Variants in KMT2A observed in about 807,000 individuals in gnomAD.
KMT2A encodes lysine methyltransferase 2A, also known as histone-lysine N-methyltransferase 2A.
KMT2A carries 16 observed loss-of-function variants against 345.3 expected under a neutral mutation model. The observed-to-expected ratio is 0.05, with a 90% confidence interval of 0.03 to 0.07. The LOEUF (loss-of-function observed/expected upper bound fraction) is 0.07. KMT2A is among the 10% of genes least tolerant of loss of function. The pLI is 1.00. For missense variants in KMT2A, 3,272 were observed against 4,841.6 expected, an observed-to-expected ratio of 0.68 and a Z score of 9.62; for synonymous variants, 1,599 against 1,778.6, an observed-to-expected ratio of 0.90 and a Z score of 2.54.
Position 118,494,908 on chromosome 11 carries a change from G to A in KMT2A, c.5363+141G>A. On this transcript the variant is annotated intron_variant, in intron 18 of 35. Transcript: ENST00000534358. This position sits in a 1 kb window ranked among gnomAD's most constrained non-coding sequence, Gnocchi z 5.8. ...AATGCCTTTTCGGTGTGGTTTTGAGGACTACATTTAATGTTTGTTATAAGC... is the reference window on the plus strand; with the variant it reads ...AATGCCTTTTCGGTGTGGTTTTGAGAACTACATTTAATGTTTGTTATAAGC... 1.5e-6 allele frequency: 1 copy of A among 656,020 alleles called. No individual in the cohort carries two copies. The highest frequency in any genetic ancestry group is 2.8e-5 in the Admixed American group (1 of 35,276). 40.6% of individuals were successfully genotyped at this position (656,020 alleles called of 1,614,324 possible).
chr11:118,500,742 G>T, intron 24 of KMT2A: 1 of 337,444 alleles, frequency 3.0e-6, no homozygotes, highest in Non-Finnish European at 5.4e-6. Flanking sequence ...ACTATATTTG[G>T]TGCCTGCTTA....
chr11:118,468,128 T>C (rs2134247497), intron 1 of KMT2A, among the ~76,000 whole-genome samples: 1 of 152,316 alleles, frequency 6.6e-6, no homozygotes. Flanking sequence ...TTTCATCCTA[T>C]ATGCAGTCAA....
At chr11:118,440,368 CT>C (rs1555139817) in intron 1 of KMT2A, among the ~76,000 whole-genome samples, 1 of 152,120 alleles carries the variant, frequency 6.6e-6, no homozygotes, top group Non-Finnish European at 1.5e-5. Flanking sequence ...TTCCCCTTCC[CT>C]CTGTAGTGTC....
chr11:118,436,857 G>C lies in KMT2A; in HGVS notation c.345G>C (p.Ala115=). ...LLRVGPGFDA[A]LQVSAAIGTN... ...GGGTGGGCCCGGGCTTCGACGCGGC[G>C]CTGCAGGTCTCGGCCGCCATCGGCA... The change falls in exon 1 of 36, where the codon GCG becomes GCC. Residue 115 remains alanine, a synonymous_variant. Coordinates refer to ENST00000534358, the MANE Select transcript of KMT2A (RefSeq NM_001197104.2). The surrounding 1 kb of genome is among the most constrained non-coding windows in gnomAD (Gnocchi z 6.9). 6.3e-7 allele frequency: 1 copy of C among 1,599,668 alleles called. No homozygotes were observed. The highest frequency in any genetic ancestry group is 8.5e-7 in the Non-Finnish European group (1 of 1,173,818).
At position 118,499,879 on chromosome 11, in the gene KMT2A, G is replaced by A. The variant is rs781848142; in HGVS notation, c.6124G>A (p.Asp2042Asn). Residue 2042 changes from aspartate (D) to asparagine (N), a missense_variant, in exon 24 of 36, where the codon GAC becomes AAC. Around this residue, in one of 27 missense-constraint regions of KMT2A, gnomAD observed 235 missense variants for 503.4 expected, o/e 0.47. Coordinates refer to ENST00000534358, the MANE Select transcript of KMT2A (RefSeq NM_001197104.2). ...DCLGILNDLS[D>N]CEDKLFPIGY... ...CTTAGGAATTCTAAATGATCTCTCC[G>A]ACTGTGAAGATAAGCTCTTTCCTAT... 22 of 1,612,654 alleles carry A rather than the reference G, an allele frequency of 1.4e-5. No individual in the cohort carries two copies. Among genetic ancestry groups the A allele is most frequent in the East Asian group, 8.9e-5 (4 of 44,892 alleles).
Position 118,468,007 on chromosome 11 carries a change from CT to C in KMT2A, c.433-757del, listed in dbSNP as rs543999430. On this transcript the variant is annotated intron_variant, in intron 1 of 35. Coordinates refer to ENST00000534358, the MANE Select transcript of KMT2A (RefSeq NM_001197104.2). Reference sequence around the variant, plus strand: ...TTGTGCAAAATAGGTTAAACAAATCCTTTTTTTTTTTATAGAGCAGGTTAAA... The same window carrying C: ...TTGTGCAAAATAGGTTAAACAAATCCTTTTTTTTTTATAGAGCAGGTTAAA... 1.7e-3 allele frequency among the ~76,000 whole-genome samples: 252 copies of C among 145,050 alleles called. 1 individual carries two copies. Among genetic ancestry groups the C allele is most frequent in the African/African-American group, 1.2e-3 (49 of 39,850 alleles).
At chr11:118,471,515 C>A (rs903960349) in intron 2 of KMT2A, 147 bp from the exon 3 acceptor site, 2 of 445,508 alleles carry the variant, frequency 4.5e-6, no homozygotes, top group Non-Finnish European at 7.7e-6. Flanking sequence ...TGAAAAGAAA[C>A]TAAGCACAAT....
At chr11:118,437,374 T>G (rs1355619106) in intron 1 of KMT2A, among the ~76,000 whole-genome samples, 12 of 137,280 alleles carry the variant, frequency 8.7e-5, no homozygotes, top group African/African-American at 3.7e-4. Context: ...AGTTTTCCTC[T>G]CGGGCGTCTC....
intron 1 of KMT2A, chr11:118,449,060 C>G (rs1214611093): frequency 6.6e-6 from 1 of 152,026 alleles, no homozygotes; most frequent in African/African-American, 2.4e-5. Context: ...TTGAGAGATT[C>G]AAGTGTTGGA....
rs1450938620 is a variant in KMT2A, at chr11:118,484,251, T to C, written c.4155T>C (p.Asn1385=). The change falls in exon 9 of 36, where the codon AAT becomes AAC. Residue 1385 remains asparagine, a synonymous_variant. Transcript: ENST00000534358. The surrounding 1 kb of genome is among the most constrained non-coding windows in gnomAD (Gnocchi z 4.1). ...GTLNILSTLS[N]GNSSKQKIPA... ...TGAACATCCTCAGCACTCTCTCCAATGGCAATAGTTCTAAGCAAAAAATTC... is the reference window on the plus strand; with the variant it reads ...TGAACATCCTCAGCACTCTCTCCAACGGCAATAGTTCTAAGCAAAAAATTC... 2 of 1,614,140 alleles carry C rather than the reference T, an allele frequency of 1.2e-6. No homozygotes were observed. The highest frequency in any genetic ancestry group is 1.7e-6 in the Non-Finnish European group (2 of 1,180,026).
At chr11:118,499,213 C>A in intron 22 of KMT2A, 90 bp from the exon 23 acceptor site, 2 of 819,968 alleles carry the variant, frequency 2.4e-6, no homozygotes, top group Non-Finnish European at 4.3e-6. Flanking sequence ...TTGAGATATG[C>A]TATGTGCCTT....
chr11:118,518,409 C>T (rs1950871140), intron 31 of KMT2A, among the ~76,000 whole-genome samples: 1 of 152,184 alleles, frequency 6.6e-6, no homozygotes, highest in South Asian at 2.1e-4. Flanking sequence ...AAAGCAGCTA[C>T]TGAGTGTATT....
chr11:118,521,644 A>C lies in KMT2A; in HGVS notation c.11643+227A>C, dbSNP rs1950971757. 6.6e-6 allele frequency among the ~76,000 whole-genome samples: 1 copy of C among 152,358 alleles called. No homozygotes were observed. Among genetic ancestry groups the C allele is most frequent in the South Asian group, 2.1e-4 (1 of 4,828 alleles). ...GTTTGTCTGAGTGGCTCCTAGTATC[A>C]GAAGCAAATAGCTATACAAGTTTTA... On this transcript the variant is annotated intron_variant, in intron 35 of 35. Transcript: ENST00000534358. The surrounding 1 kb of genome is among the most constrained non-coding windows in gnomAD (Gnocchi z 5.3).
In KMT2A at chr11:118,485,986, G is replaced by GCACA. The variant is rs1950221851; in HGVS notation, c.4332+1011_4332+1012insCACA. Among the ~76,000 whole-genome samples the GCACA allele has an allele frequency of 3.3e-5, 5 of 152,342 alleles. No individual in the cohort carries two copies. The South Asian group carries it at 1.0e-3, about 32-fold the overall frequency. ...TAGTCCCAGCTACTCGAGAGGCTGA[G>GCACA]GCAGGAGAACGGCATGAACCCGGGA... On this transcript the variant is annotated intron_variant, in intron 10 of 35. Coordinates refer to ENST00000534358, the MANE Select transcript of KMT2A (RefSeq NM_001197104.2).
Position 118,473,472 on chromosome 11 carries a change from C to A in KMT2A, c.2313C>A (p.Thr771=), listed in dbSNP as rs577619340. ...RLSSSELSPL[T]PPSSVSSSLS... is the part of the protein sequence containing the mutation. ...GTAGTTCTGAGCTCTCACCTCTCAC[C>A]CCCCCGTCTTCTGTCTCTTCCTCGT... Residue 771 remains threonine (T), a synonymous_variant, in exon 3 of 36, where the codon ACC becomes ACA. Coordinates refer to ENST00000534358, the MANE Select transcript of KMT2A (RefSeq NM_001197104.2). The surrounding 1 kb of genome is among the most constrained non-coding windows in gnomAD (Gnocchi z 5.2). The A allele has an allele frequency of 1.2e-6, 2 of 1,614,150 alleles. No homozygotes were observed. The highest frequency in any genetic ancestry group is 1.7e-5 in the Admixed American group (1 of 60,022).
intron 1 of KMT2A, among the ~76,000 whole-genome samples, chr11:118,441,027 A>G (rs1277052389): frequency 6.6e-6 from 1 of 152,152 alleles, no homozygotes; most frequent in Admixed American, 6.5e-5. Flanking sequence ...GATCTGTAAA[A>G]TGAAAAGTTT....
intron 1 of KMT2A, among the ~76,000 whole-genome samples, chr11:118,444,971 A>G (rs1555026755): frequency 6.6e-6 from 1 of 152,248 alleles, no homozygotes; most frequent in African/African-American, 2.4e-5. Context: ...AAGTGAGATC[A>G]TGCATGTAAG....
intron 28 of KMT2A, among the ~76,000 whole-genome samples, chr11:118,508,622 C>A (rs536644786): frequency 6.6e-6 from 1 of 151,430 alleles, no homozygotes; most frequent in Non-Finnish European, 1.5e-5. Flanking sequence ...ACAGTCCAAG[C>A]TAAGGCGGGA....
At chr11:118,509,841 G>A (rs1181162820) in intron 29 of KMT2A, 107 bp from the exon 30 acceptor site, 47 of 773,954 alleles carry the variant, frequency 6.1e-5, no homozygotes, top group African/African-American at 3.6e-5. Context: ...TAAACCAACT[G>A]TGGAATGTTG....
Sources: allele counts gnomAD v4.1 joint callset (sites outside exome capture counted in the v4.1 genomes callset), GRCh38; gene constraint gnomAD v4.1.1; regional missense constraint gnomAD v4.1.1; non-coding constraint Gnocchi (gnomAD v3.1); transcripts MANE v1.5; gene names NCBI Gene and HGNC (gene_info 2026-07-23, HGNC 2026-07-21).